Variants in RELN observed in about 807,000 individuals in gnomAD.
RELN encodes reelin.
RELN carries 108 observed loss-of-function variants against 427.6 expected under a neutral mutation model. The ratio of observed to expected loss-of-function variants is 0.25; its 90% CI spans 0.22 to 0.30. The LOEUF (loss-of-function observed/expected upper bound fraction) is 0.30. Ranked by LOEUF, RELN falls within the 10% of genes least tolerant of loss-of-function variation. The pLI is 1.00. For missense variants in RELN, 3,715 were observed against 4,302.8 expected (o/e 0.86, Z 3.82); for synonymous variants, 1,524 against 1,513.4 (o/e 1.01, Z -0.16).
intron 51 of RELN, among the ~76,000 whole-genome samples, chr7:103,510,361 A>G (rs2429046): frequency 0.1 from 15,311 of 152,214 alleles, 1,138 homozygotes; most frequent in African/African-American, 0.21. Flanking sequence ...GCTGGAAACC[A>G]TCATTCTCAG....
At chr7:103,515,472 GAAGAACCCT>G (rs772615434) in intron 49 of RELN, 31 bp from the exon 50 acceptor site, 2 of 1,609,602 alleles carry the variant, frequency 1.2e-6, no homozygotes, top group Non-Finnish European at 1.7e-6. Flanking sequence ...AGGGTGTGGG[GAAGAACCCT>G]TGTCAAATAT....
intron 22 of RELN, 123 bp downstream of exon 22, chr7:103,610,572 A>G: frequency 1.4e-6 from 1 of 702,764 alleles, no homozygotes; most frequent in Non-Finnish European, 2.6e-6. Flanking sequence ...AAGAATAAAC[A>G]TCATGCTATT....
At chr7:103,785,281 C>T (rs1791988926) in intron 3 of RELN, among the ~76,000 whole-genome samples, 1 of 151,998 alleles carries the variant, frequency 6.6e-6, no homozygotes, top group Admixed American at 6.6e-5. Context: ...TTAAGTAAGC[C>T]TATGGTCACT....
At chr7:103,933,787 T>G (rs543004753) in intron 1 of RELN, among the ~76,000 whole-genome samples, 2 of 152,258 alleles carry the variant, frequency 1.3e-5, no homozygotes, top group South Asian at 4.1e-4. Context: ...AGGCTAACTT[T>G]CCAGACAACT....
chr7:103,919,917 GTATATGA>G (rs1795575307), intron 1 of RELN, among the ~76,000 whole-genome samples: 3 of 152,180 alleles, frequency 2.0e-5, no homozygotes, highest in Non-Finnish European at 4.4e-5. Flanking sequence ...ATTTAAATAT[GTATATGA>G]ACTAGAAGGA....
intron 10 of RELN, among the ~76,000 whole-genome samples, chr7:103,690,327 C>T (rs544559549): frequency 2.0e-5 from 3 of 152,042 alleles, no homozygotes; most frequent in East Asian, 3.9e-4. Context: ...ACGGTAAAAC[C>T]AAGGCCATTC....
intron 16 of RELN, among the ~76,000 whole-genome samples, chr7:103,642,767 A>G (rs933787411): frequency 6.6e-6 from 1 of 152,122 alleles, no homozygotes; most frequent in African/African-American, 2.4e-5. Context: ...ATGATTATCA[A>G]AGTAATAAAG....
chr7:103,487,754 T>C (rs1267711445), intron 60 of RELN, among the ~76,000 whole-genome samples: 1 of 152,208 alleles, frequency 6.6e-6, no homozygotes, highest in Admixed American at 6.5e-5. Flanking sequence ...TTGTAGAAAA[T>C]ACAGGTTAAT....
At chr7:103,897,495 G>A (rs948458975) in intron 2 of RELN, among the ~76,000 whole-genome samples, 2 of 151,894 alleles carry the variant, frequency 1.3e-5, no homozygotes, top group African/African-American at 4.8e-5. Context: ...ATTTGAACCT[G>A]TTATTCTCCT....
At chr7:103,979,191 T>C (rs1796940273) in intron 1 of RELN, among the ~76,000 whole-genome samples, 1 of 152,216 alleles carries the variant, frequency 6.6e-6, no homozygotes, top group Non-Finnish European at 1.5e-5. Context: ...CTCGGCCCTT[T>C]TATTTAACTT....
At chr7:103,609,717 C>G (rs1171628377) in intron 22 of RELN, among the ~76,000 whole-genome samples, 1 of 152,036 alleles carries the variant, frequency 6.6e-6, no homozygotes, top group Non-Finnish European at 1.5e-5. Flanking sequence ...GGTATCTAAC[C>G]AATTGTTTTT....
chr7:103,533,347 A>G (rs551144471), intron 46 of RELN, among the ~76,000 whole-genome samples: 121 of 152,366 alleles, frequency 7.9e-4, no homozygotes, highest in Non-Finnish European at 1.1e-3. Flanking sequence ...GATAACAGAG[A>G]CAGCGATTTT....
At chr7:103,834,712 T>C (rs765417735) in intron 2 of RELN, among the ~76,000 whole-genome samples, 1 of 152,128 alleles carries the variant, frequency 6.6e-6, no homozygotes, top group Admixed American at 6.5e-5. Context: ...CAGGATCATA[T>C]GTCATTAGGG....
At chr7:103,820,694 C>A (rs377547711) in intron 3 of RELN, among the ~76,000 whole-genome samples, 1 of 152,010 alleles carries the variant, frequency 6.6e-6, no homozygotes, top group Non-Finnish European at 1.5e-5. Context: ...AAGACATCCA[C>A]CTTGATTCTA....
chr7:103,784,336 A>G (rs1385671655), intron 3 of RELN, among the ~76,000 whole-genome samples: 3 of 152,144 alleles, frequency 2.0e-5, no homozygotes, highest in African/African-American at 7.2e-5. Context: ...CAAATGAGAA[A>G]TGCAGATTAA....
intron 28 of RELN, among the ~76,000 whole-genome samples, chr7:103,582,924 A>C (rs192272684): frequency 6.6e-6 from 1 of 152,176 alleles, no homozygotes; most frequent in Admixed American, 6.5e-5. Flanking sequence ...TAGGTTGGCA[A>C]GGGAGTCTGC....
At chr7:103,488,705 G>A (rs1562845550) in intron 60 of RELN, among the ~76,000 whole-genome samples, 1 of 152,180 alleles carries the variant, frequency 6.6e-6, no homozygotes, top group African/African-American at 2.4e-5. Context: ...TGACAGCAAG[G>A]CTGATTGGAA....
intron 3 of RELN, among the ~76,000 whole-genome samples, chr7:103,813,223 C>A (rs1792787945): frequency 6.6e-6 from 1 of 152,058 alleles, no homozygotes; most frequent in African/African-American, 2.4e-5. Flanking sequence ...AGTCTCTCTC[C>A]CACCTCCATT....
Position 103,896,950 on chromosome 7 carries a change from G to A in RELN, c.337+20125C>T, listed in dbSNP as rs183858283. On this transcript the variant is annotated intron_variant, in intron 2 of 64. Coordinates refer to ENST00000428762, the MANE Select transcript of RELN (RefSeq NM_005045.4). ...AGGTTTAATGGACTTGCACTTCCAC[G>A]TGGCTGGGGAGGCCTCACAATCATG... Among the ~76,000 whole-genome samples, 46 of 152,138 alleles carry A rather than the reference G, an allele frequency of 3.0e-4. No individual in the cohort carries two copies. The East Asian group carries it at 8.7e-3, about 29-fold the overall frequency.
Sources: allele counts gnomAD v4.1 joint callset (sites outside exome capture counted in the v4.1 genomes callset), GRCh38; gene constraint gnomAD v4.1.1; transcripts MANE v1.5; gene names NCBI Gene and HGNC (gene_info 2026-07-23, HGNC 2026-07-21).